Variants in RNF180 observed in about 807,000 individuals in gnomAD.
RNF180 encodes the protein E3 ubiquitin-protein ligase RNF180.
In RNF180, 38 loss-of-function variants were observed where a neutral mutation model predicts 59.2. That is an observed-to-expected ratio of 0.64 (90% CI 0.50 to 0.84). The LOEUF is 0.84. Among genes scored for constraint, RNF180 ranks in the 40% least tolerant of loss-of-function variants. The pLI, the probability that RNF180 is intolerant of heterozygous loss-of-function variation, is 0.00. For missense variants in RNF180, 705 were observed against 700.9 expected, an observed-to-expected ratio of 1.01 and a Z score of -0.07; for synonymous variants, 262 against 240.3, an observed-to-expected ratio of 1.09 and a Z score of -0.84.
At chr5:64,279,585 G>A (rs942799963) in intron 5 of RNF180, among the ~76,000 whole-genome samples, 1 of 152,090 alleles carries the variant, frequency 6.6e-6, no homozygotes, top group African/African-American at 2.4e-5. Context: ...AAAATCTCTA[G>A]GAAGATACAT....
intron 5 of RNF180, among the ~76,000 whole-genome samples, chr5:64,226,861 C>G (rs1741794951): frequency 6.6e-6 from 1 of 152,116 alleles, no homozygotes; most frequent in Non-Finnish European, 1.5e-5. Context: ...ATGGGATGAC[C>G]TGGGAGATCG....
At chr5:64,353,072 G>T (rs930028896) in intron 7 of RNF180, among the ~76,000 whole-genome samples, 2 of 151,638 alleles carry the variant, frequency 1.3e-5, no homozygotes, top group Non-Finnish European at 2.9e-5. Context: ...TACACATTAG[G>T]TTAAATTTAA....
At chr5:64,277,658 C>G (rs1741799414) in intron 5 of RNF180, among the ~76,000 whole-genome samples, 1 of 152,134 alleles carries the variant, frequency 6.6e-6, no homozygotes, top group African/African-American at 2.4e-5. Flanking sequence ...GTCAGGGATA[C>G]AGACTAATTT....
At chr5:64,292,088 T>C (rs1259980473) in intron 5 of RNF180, among the ~76,000 whole-genome samples, 1 of 152,212 alleles carries the variant, frequency 6.6e-6, no homozygotes, top group African/African-American at 2.4e-5. Flanking sequence ...CTCCTTTAGC[T>C]TAGCAAAGTT....
chr5:64,317,361 G>A (rs970219741), intron 5 of RNF180, among the ~76,000 whole-genome samples: 1 of 151,890 alleles, frequency 6.6e-6, no homozygotes, highest in Non-Finnish European at 1.5e-5. Flanking sequence ...TAGTTTAAAA[G>A]TACTTTATTG....
chr5:64,166,203 C>A (rs1459010428), intron 1 of RNF180: 3 of 152,372 alleles, frequency 2.0e-5, no homozygotes, highest in Admixed American at 6.5e-5. Flanking sequence ...GCGCGCCCAC[C>A]TGGAGGTTGG....
At chr5:64,234,246 C>G (rs917311433) in intron 5 of RNF180, among the ~76,000 whole-genome samples, 2 of 152,104 alleles carry the variant, frequency 1.3e-5, no homozygotes, top group Admixed American at 1.3e-4. Context: ...GGGTGCATCA[C>G]TTGAGATCAG....
intron 1 of RNF180, among the ~76,000 whole-genome samples, chr5:64,197,214 A>G (rs1409219919): frequency 3.3e-5 from 5 of 152,224 alleles, no homozygotes; most frequent in Non-Finnish European, 5.9e-5. Context: ...TGTTATAAAT[A>G]TGTTTCTCCA....
intron 7 of RNF180, among the ~76,000 whole-genome samples, chr5:64,333,048 A>G (rs1192936273): frequency 6.6e-6 from 1 of 152,260 alleles, no homozygotes; most frequent in African/African-American, 2.4e-5. Flanking sequence ...AACTTTACAC[A>G]GTGATTTGAA....
At chr5:64,267,501 A>T (rs1306715008) in intron 5 of RNF180, among the ~76,000 whole-genome samples, 1 of 131,458 alleles carries the variant, frequency 7.6e-6, no homozygotes, top group Non-Finnish European at 1.6e-5. Flanking sequence ...ATCCCTCCCC[A>T]CTCCCCCCAC....
intron 5 of RNF180, among the ~76,000 whole-genome samples, chr5:64,272,499 A>G (rs1741470820): frequency 6.6e-6 from 1 of 152,070 alleles, no homozygotes; most frequent in African/African-American, 2.4e-5. Flanking sequence ...AGGAGGGACC[A>G]TGATACAGAT....
intron 1 of RNF180, among the ~76,000 whole-genome samples, chr5:64,198,730 G>T (rs777422473): frequency 4.6e-5 from 7 of 152,136 alleles, no homozygotes; most frequent in Non-Finnish European, 8.8e-5. Context: ...AGAAGGGTAA[G>T]AGAGGAAAGA....
intron 5 of RNF180, among the ~76,000 whole-genome samples, chr5:64,239,005 G>A (rs1260304429): frequency 2.0e-5 from 3 of 152,170 alleles, no homozygotes; most frequent in Non-Finnish European, 4.4e-5. Flanking sequence ...ATAATTTTGA[G>A]GAATAATTTT....
chr5:64,245,300 C>G (rs1743083987), intron 5 of RNF180, among the ~76,000 whole-genome samples: 1 of 152,026 alleles, frequency 6.6e-6, no homozygotes, highest in Non-Finnish European at 1.5e-5. Context: ...GGCTAAATGC[C>G]CTAATTAAAA....
At chr5:64,338,361 G>A (rs917035167) in intron 7 of RNF180, among the ~76,000 whole-genome samples, 3 of 152,254 alleles carry the variant, frequency 2.0e-5, no homozygotes, top group African/African-American at 4.8e-5. Flanking sequence ...TTGGCTGGGC[G>A]CAGTGGCTCA....
At chr5:64,334,674 GTATA>G (rs774892075) in intron 7 of RNF180, among the ~76,000 whole-genome samples, 15 of 152,078 alleles carry the variant, frequency 9.9e-5, no homozygotes, top group Non-Finnish European at 4.4e-5. Flanking sequence ...TGGTAGCAAT[GTATA>G]TATTCTGCTT....
chr5:64,193,874 A>G (rs975178469), intron 1 of RNF180, among the ~76,000 whole-genome samples: 1 of 152,148 alleles, frequency 6.6e-6, no homozygotes, highest in African/African-American at 2.4e-5. Context: ...CCCAATAATA[A>G]GAGTTGTCAC....
At chr5:64,194,828 C>A (rs918144415) in intron 1 of RNF180, among the ~76,000 whole-genome samples, 1 of 152,062 alleles carries the variant, frequency 6.6e-6, no homozygotes, top group Non-Finnish European at 1.5e-5. Flanking sequence ...TCATATCCTT[C>A]GCCCACTTTT....
intron 5 of RNF180, among the ~76,000 whole-genome samples, chr5:64,259,876 A>G (rs1744219412): frequency 6.6e-6 from 1 of 152,196 alleles, no homozygotes; most frequent in South Asian, 2.1e-4. Context: ...AGCCAAGATC[A>G]CGCCATTGAA....
Sources: allele counts gnomAD v4.1 joint callset (sites outside exome capture counted in the v4.1 genomes callset), GRCh38; gene constraint gnomAD v4.1.1; transcripts MANE v1.5; gene names NCBI Gene and HGNC (gene_info 2026-07-23, HGNC 2026-07-21).